GPC6: variants seen among roughly 807,000 people sequenced by gnomAD.
GPC6 encodes glypican-6.
Under a neutral mutation model 55.2 loss-of-function variants are expected in GPC6, and 14 were observed. The ratio of observed to expected loss-of-function variants is 0.25; its 90% CI spans 0.17 to 0.40. The LOEUF (loss-of-function observed/expected upper bound fraction) is 0.40, where lower values mean the gene tolerates loss of function less well. Ranked by LOEUF, GPC6 falls within the 10% of genes least tolerant of loss-of-function variation. The probability of loss-of-function intolerance (pLI) is 1.00; values close to 1 mark genes in which losing one functional copy is unlikely to be tolerated. For synonymous variants in GPC6, 278 were observed against 259.6 expected (o/e 1.07, Z -0.68); for missense variants, 641 against 708.5 (o/e 0.90, Z 1.08).
At chr13:93,467,113 C>A (rs1172398125) in intron 1 of GPC6, among the ~76,000 whole-genome samples, 1 of 152,060 alleles carries the variant, frequency 6.6e-6, no homozygotes, top group African/African-American at 2.4e-5. Flanking sequence ...TTCTTTCTAC[C>A]CCCTTTATAA....
intron 2 of GPC6, among the ~76,000 whole-genome samples, chr13:93,723,246 T>C (rs1010066381): frequency 1.3e-5 from 2 of 151,964 alleles, no homozygotes; most frequent in African/African-American, 4.8e-5. Context: ...GAGAACATAT[T>C]TGCAGAAAGC....
intron 3 of GPC6, among the ~76,000 whole-genome samples, chr13:94,020,083 T>C (rs1024984820): frequency 6.6e-6 from 1 of 152,286 alleles, no homozygotes; most frequent in East Asian, 1.9e-4. Flanking sequence ...TTTTCCTTTT[T>C]TTCTAGTTCC....
intron 6 of GPC6, among the ~76,000 whole-genome samples, chr13:94,366,463 A>C (rs567941087): frequency 3.3e-5 from 5 of 152,354 alleles, no homozygotes; most frequent in African/African-American, 1.2e-4. Flanking sequence ...TTCATTCCAT[A>C]ATGATGATAG....
intron 2 of GPC6, among the ~76,000 whole-genome samples, chr13:93,715,928 A>G (rs976228865): frequency 1.8e-4 from 27 of 151,630 alleles, no homozygotes; most frequent in African/African-American, 6.3e-4. Context: ...TATTCTAGAT[A>G]TCATATACAG....
At chr13:93,540,040 G>A (rs975794886) in intron 1 of GPC6, among the ~76,000 whole-genome samples, 1 of 152,116 alleles carries the variant, frequency 6.6e-6, no homozygotes, top group Admixed American at 6.6e-5. Context: ...GTGCTTAGAC[G>A]AAACTATGAA....
At chr13:93,983,948 A>G (rs925990616) in intron 3 of GPC6, among the ~76,000 whole-genome samples, 2 of 152,224 alleles carry the variant, frequency 1.3e-5, no homozygotes, top group Non-Finnish European at 2.9e-5. Flanking sequence ...TTGTTTTTCC[A>G]TAAGACAACA....
chr13:94,051,777 T>C (rs1345975640), intron 4 of GPC6, among the ~76,000 whole-genome samples: 2 of 152,202 alleles, frequency 1.3e-5, no homozygotes, highest in Non-Finnish European at 2.9e-5. Context: ...TGTCTTACTC[T>C]TTAGTTTCAC....
chr13:93,831,564 T>C (rs945434942), intron 3 of GPC6, among the ~76,000 whole-genome samples: 4 of 152,036 alleles, frequency 2.6e-5, no homozygotes, highest in Non-Finnish European at 5.9e-5. Flanking sequence ...TTCTTTTTTT[T>C]TTTTTGACAC....
chr13:93,730,277 A>C (rs1441957421), intron 2 of GPC6, among the ~76,000 whole-genome samples: 1 of 152,192 alleles, frequency 6.6e-6, no homozygotes, highest in East Asian at 1.9e-4. Flanking sequence ...CAGTGCTCTT[A>C]GGAGGAACAA....
At chr13:93,365,195 A>ATC (rs2139183670) in intron 1 of GPC6, among the ~76,000 whole-genome samples, 1 of 152,204 alleles carries the variant, frequency 6.6e-6, no homozygotes, top group African/African-American at 2.4e-5. Context: ...TCAAAGAGGG[A>ATC]ACCCGTGACT....
At chr13:93,591,256 T>A (rs9561407) in intron 2 of GPC6, among the ~76,000 whole-genome samples, 1 of 151,666 alleles carries the variant, frequency 6.6e-6, no homozygotes, top group Admixed American at 6.6e-5. Context: ...GAGGTCAGGA[T>A]ATCGAGCCCA....
chr13:94,078,026 T>A (rs770012723), intron 4 of GPC6, among the ~76,000 whole-genome samples: 1 of 151,886 alleles, frequency 6.6e-6, no homozygotes, highest in Non-Finnish European at 1.5e-5. Flanking sequence ...ACAAAGCAAG[T>A]CTTAACAAAT....
At chr13:93,517,868 ATTTTAG>A (rs2139394766) in intron 1 of GPC6, among the ~76,000 whole-genome samples, 1 of 152,152 alleles carries the variant, frequency 6.6e-6, no homozygotes, top group African/African-American at 2.4e-5. Flanking sequence ...TAAGTCAGCA[ATTTTAG>A]TCTATTCAAT....
chr13:93,846,726 A>G (rs999256502), intron 3 of GPC6, among the ~76,000 whole-genome samples: 1 of 152,136 alleles, frequency 6.6e-6, no homozygotes, highest in Non-Finnish European at 1.5e-5. Context: ...AGGCAGAAGA[A>G]TCACTTGAAC....
chr13:93,420,820 T>C (rs889028504), intron 1 of GPC6, among the ~76,000 whole-genome samples: 8 of 152,096 alleles, frequency 5.3e-5, no homozygotes, highest in Non-Finnish European at 1.0e-4. Flanking sequence ...GTTATTAAGG[T>C]AAGGATCTTA....
intron 1 of GPC6, among the ~76,000 whole-genome samples, chr13:93,461,494 GGTA>G (rs1194401170): frequency 1.3e-5 from 2 of 151,844 alleles, no homozygotes; most frequent in Non-Finnish European, 2.9e-5. Flanking sequence ...TTTCCAAAAG[GGTA>G]CCTACATACT....
At chr13:93,365,399 A>G (rs1881209613) in intron 1 of GPC6, among the ~76,000 whole-genome samples, 1 of 152,072 alleles carries the variant, frequency 6.6e-6, no homozygotes, top group African/African-American at 2.4e-5. Context: ...TACTTTTTCA[A>G]TGACCATAGT....
chr13:94,170,876 T>C (rs180974844), intron 4 of GPC6, among the ~76,000 whole-genome samples: 91 of 152,332 alleles, frequency 6.0e-4, no homozygotes, highest in Admixed American at 3.5e-3. Context: ...GAGTGGGACT[T>C]ACAGGCTTTC....
chr13:94,168,228 A>C (rs377302998), intron 4 of GPC6, among the ~76,000 whole-genome samples: 12 of 152,306 alleles, frequency 7.9e-5, no homozygotes, highest in African/African-American at 2.9e-4. Flanking sequence ...TCATTCTTGC[A>C]TTCTATAAAC....
Sources: gnomAD v4.1 joint callset for allele counts (sites outside exome capture counted in the v4.1 genomes callset) on GRCh38, gnomAD v4.1.1 for gene constraint, MANE v1.5 for transcripts, NCBI Gene and HGNC (gene_info 2026-07-23, HGNC 2026-07-21) for gene names.